The following CFAP20DC variants were observed in gnomAD, a reference collection of about 807,000 sequenced individuals.
CFAP20DC encodes CFAP20 domain containing.
CFAP20DC carries 84 observed loss-of-function variants against 101.7 expected under a neutral mutation model. The observed-to-expected ratio is 0.83, with a 90% CI of 0.69 to 0.99. CFAP20DC has a LOEUF of 0.99. Among genes scored for constraint, CFAP20DC ranks in the 50% least tolerant of loss-of-function variants. The pLI, the probability that CFAP20DC is intolerant of heterozygous loss-of-function variation, is 0.00. For missense variants in CFAP20DC, 1,007 were observed against 970.3 expected (o/e 1.04, Z -0.50); for synonymous variants, 359 against 351.2 (o/e 1.02, Z -0.25).
At chr3:59,038,581 C>T (rs919695796) in intron 4 of CFAP20DC, among the ~76,000 whole-genome samples, 8 of 152,126 alleles carry the variant, frequency 5.3e-5, no homozygotes, top group African/African-American at 1.9e-4. Context: ...AGCATGTGCT[C>T]ACTTTGTGTC....
chr3:58,809,511 A>G (rs2074419551), intron 14 of CFAP20DC, among the ~76,000 whole-genome samples: 1 of 152,122 alleles, frequency 6.6e-6, no homozygotes, highest in South Asian at 2.1e-4. Flanking sequence ...CAACGAGAAC[A>G]AAGACATAAC....
chr3:58,811,147 G>A lies in CFAP20DC; in HGVS notation c.2176-4691C>T, dbSNP rs567204425. Among the ~76,000 whole-genome samples, 24 of 152,040 alleles carry A rather than the reference G, an allele frequency of 1.6e-4. No homozygotes were observed. In the Middle Eastern group the frequency reaches 0.01, roughly 65 times the overall value. On this transcript the variant is annotated intron_variant, in intron 14 of 16. Transcript: ENST00000482387. ...ATACTGCCCAAGGTAATTTATAGAT[G>A]CAATGCCATCCCCATCAAGCTACCA... is the stretch of plus-strand genomic sequence containing the variant.
chr3:58,928,977 G>C (rs551122142), intron 5 of CFAP20DC, among the ~76,000 whole-genome samples: 1 of 152,100 alleles, frequency 6.6e-6, no homozygotes, highest in Admixed American at 6.5e-5. Flanking sequence ...GAGGAAGACA[G>C]ATGAATTGAA....
Position 58,870,176 on chromosome 3 carries a change from G to C in CFAP20DC, c.849C>G (p.Ser283Arg). ...SGRRNNMKIS[S>R]ETVRSVGSKN... ...GCTCTCCAAACCTTGCTCCTACCTC[G>C]CTGGATATCTTCATGTTATTCCTTC... Residue 283 changes from serine (S) to arginine (R), a missense_variant, in exon 8 of 17, where the codon AGC (serine) becomes AGG (arginine). Ser to Arg is a moderately radical substitution (Grantham distance 110, BLOSUM62 -1). Coordinates refer to ENST00000482387, the MANE Select transcript of CFAP20DC (RefSeq NM_001394063.1). 6.2e-7 allele frequency: 1 copy of C among 1,608,188 alleles called. No homozygotes were observed. Among genetic ancestry groups the C allele is most frequent in the Non-Finnish European group, 8.5e-7 (1 of 1,176,676 alleles).
chr3:58,884,112 G>T (rs941904760), intron 7 of CFAP20DC, among the ~76,000 whole-genome samples: 3 of 152,042 alleles, frequency 2.0e-5, no homozygotes, highest in Non-Finnish European at 4.4e-5. Flanking sequence ...TTTTTGAAAG[G>T]CAACACTGGC....
At position 58,813,032 on chromosome 3, in the gene CFAP20DC, T is replaced by A. The variant is rs912392039; in HGVS notation, c.2176-6576A>T. ...ACACAGAAAATACATTTAGTCTCAG[T>A]GTTAGTAAGTGTGTAAATATAATTT... On this transcript the variant is annotated intron_variant, in intron 14 of 16. Coordinates refer to ENST00000482387, the MANE Select transcript of CFAP20DC (RefSeq NM_001394063.1). 2.6e-5 allele frequency among the ~76,000 whole-genome samples: 4 copies of A among 151,846 alleles called. No individual in the cohort carries two copies. In the East Asian group the frequency reaches 7.7e-4, roughly 29 times the overall value.
In CFAP20DC at chr3:58,724,001, T is replaced by C. The variant is rs1294569825; in HGVS notation, c.198-6373A>G. Reference sequence around the variant, plus strand: ...TCTCACGTGGATAGAGGACAAACATTCATTCGCTGGTCTCTGTTCTTGGGG... The same window carrying C: ...TCTCACGTGGATAGAGGACAAACATCCATTCGCTGGTCTCTGTTCTTGGGG... On this transcript the variant is annotated intron_variant, in intron 3 of 3. Coordinates refer to the CFAP20DC transcript ENST00000486145. This position sits in a 1 kb window ranked among gnomAD's most constrained non-coding sequence, Gnocchi z 5.6. 2.0e-5 allele frequency among the ~76,000 whole-genome samples: 3 copies of C among 152,226 alleles called. No homozygotes were observed. The highest frequency in any genetic ancestry group is 7.2e-5 in the African/African-American group (3 of 41,456).
At chr3:58,812,207 A>G (rs925024826) in intron 14 of CFAP20DC, among the ~76,000 whole-genome samples, 29 of 152,166 alleles carry the variant, frequency 1.9e-4, no homozygotes. Context: ...ATTACTGGGT[A>G]TATACCCAAA....
intron 4 of CFAP20DC, among the ~76,000 whole-genome samples, chr3:58,958,454 C>T (rs1240792097): frequency 6.6e-6 from 1 of 152,062 alleles, no homozygotes; most frequent in African/African-American, 2.4e-5. Context: ...AGGCTGTTTC[C>T]ACGTTTGGCC....
chr3:58,977,649 G>A (rs897938013), intron 4 of CFAP20DC, among the ~76,000 whole-genome samples: 1 of 151,830 alleles, frequency 6.6e-6, no homozygotes, highest in African/African-American at 2.4e-5. Context: ...CAAGACATTG[G>A]GGATATAAGA....
intron 4 of CFAP20DC, among the ~76,000 whole-genome samples, chr3:58,993,850 G>T (rs141814840): frequency 3.4e-4 from 52 of 152,290 alleles, no homozygotes; most frequent in African/African-American, 1.2e-3. Context: ...CATTTGGGCT[G>T]ATTCCATGTC....
intron 4 of CFAP20DC, among the ~76,000 whole-genome samples, chr3:58,972,159 C>T (rs944702782): frequency 3.3e-5 from 5 of 152,032 alleles, no homozygotes; most frequent in Admixed American, 6.6e-5. Flanking sequence ...AAAGACATTA[C>T]ACAACATATT....
intron 4 of CFAP20DC, among the ~76,000 whole-genome samples, chr3:58,995,972 A>ATC: frequency 7.2e-6 from 1 of 138,404 alleles, no homozygotes; most frequent in Non-Finnish European, 1.6e-5. Context: ...ATTCTGTATA[A>ATC]TAAATCTATC....
At chr3:58,961,099 G>T (rs1405609488) in intron 4 of CFAP20DC, among the ~76,000 whole-genome samples, 1 of 152,106 alleles carries the variant, frequency 6.6e-6, no homozygotes, top group African/African-American at 2.4e-5. Flanking sequence ...ATCCCACTTG[G>T]CCGTGGTATA....
chr3:58,991,635 A>G (rs2092941484), intron 4 of CFAP20DC, among the ~76,000 whole-genome samples: 1 of 152,142 alleles, frequency 6.6e-6, no homozygotes, highest in Non-Finnish European at 1.5e-5. Flanking sequence ...AAACTGTTCC[A>G]CCTGAGATCT....
intron 5 of CFAP20DC, among the ~76,000 whole-genome samples, chr3:58,931,584 G>A (rs1457322008): frequency 1.2e-4 from 18 of 152,196 alleles, no homozygotes; most frequent in East Asian, 5.8e-4. Context: ...AACTTCCAGA[G>A]GAACGATCAG....
Position 58,870,575 on chromosome 3 carries a change from C to A in CFAP20DC, c.716-266G>T, listed in dbSNP as rs535870921. On this transcript the variant is annotated intron_variant, in intron 7 of 16. Transcript: ENST00000482387. Reference sequence around the variant, plus strand: ...CTCACCATCATTTGAGAACCACCACCACAAAGTTTTTCTTTAAAAAAAAAA... The same window carrying A: ...CTCACCATCATTTGAGAACCACCACAACAAAGTTTTTCTTTAAAAAAAAAA... Among the ~76,000 whole-genome samples the A allele has an allele frequency of 1.3e-4, 20 of 151,864 alleles. No homozygotes were observed. In the South Asian group the frequency reaches 3.5e-3, roughly 27 times the overall value.
chr3:58,876,296 G>T (rs536880275), intron 7 of CFAP20DC, among the ~76,000 whole-genome samples: 2 of 151,676 alleles, frequency 1.3e-5, no homozygotes, highest in Non-Finnish European at 2.9e-5. Context: ...TACCATAATC[G>T]GGTCCTAATT....
At chr3:58,957,554 G>A (rs777096833) in intron 4 of CFAP20DC, among the ~76,000 whole-genome samples, 16 of 152,258 alleles carry the variant, frequency 1.1e-4, no homozygotes, top group Non-Finnish European at 2.1e-4. Context: ...CTGAACTCCC[G>A]TGTATGTTGC....
Sources: allele counts gnomAD v4.1 joint callset (sites outside exome capture counted in the v4.1 genomes callset), GRCh38; gene constraint gnomAD v4.1.1; non-coding constraint Gnocchi (gnomAD v3.1); transcripts MANE v1.5; gene names NCBI Gene and HGNC (gene_info 2026-07-23, HGNC 2026-07-21).